SGTA: variants seen among roughly 807,000 people sequenced by gnomAD.
SGTA encodes small glutamine-rich tetratricopeptide repeat-containing protein alpha.
A neutral mutation model predicts 44.3 loss-of-function variants in SGTA; 22 were observed. The ratio of observed to expected loss-of-function variants is 0.50; its 90% CI spans 0.36 to 0.71. The LOEUF (loss-of-function observed/expected upper bound fraction) is 0.71. SGTA is among the 30% of genes least tolerant of loss of function. The pLI, the probability that SGTA is intolerant of heterozygous loss-of-function variation, is 0.00. For missense variants in SGTA, 341 were observed against 435.9 expected (o/e 0.78, Z 1.94); for synonymous variants, 174 against 177.6 (o/e 0.98, Z 0.16).
rs1915189810 is a variant in SGTA, at chr19:2,767,772, T to C, written c.101-86A>G. 4 of 998,756 alleles carry C rather than the reference T, an allele frequency of 4.0e-6. No individual in the cohort carries two copies. The East Asian group carries it at 7.5e-5, about 19-fold the overall frequency. 61.9% of individuals were successfully genotyped at this position (998,756 alleles called of 1,614,324 possible). A position where few individuals can be genotyped will look rare whatever the true frequency, so the allele number is the denominator to read the frequency against. On this transcript the variant is annotated intron_variant, in intron 2 of 11. Coordinates refer to ENST00000221566, the MANE Select transcript of SGTA (RefSeq NM_003021.4). The surrounding 1 kb of genome is among the most constrained non-coding windows in gnomAD (Gnocchi z 7.3). The stretch of plus-strand genomic sequence containing the variant: ...GTCTAGAGGGCGGGGTTGGTGCTCA[T>C]GCTTCCCCAGGTGTGTTCATTCCCA...
intron 11 of SGTA, 75 bp downstream of exon 11, chr19:2,757,262 C>A: frequency 6.5e-7 from 1 of 1,533,550 alleles, no homozygotes; most frequent in South Asian, 1.2e-5. Flanking sequence ...CTCCTGCTGG[C>A]TGCCCTCACT....
intron 11 of SGTA, among the ~76,000 whole-genome samples, chr19:2,756,470 G>C (rs928174403): frequency 6.7e-6 from 1 of 149,942 alleles, no homozygotes; most frequent in East Asian, 1.9e-4. Flanking sequence ...AAAAAAAAAA[G>C]ATTAAGATTG....
chr19:2,766,299 T>G (rs1182346341), intron 4 of SGTA, among the ~76,000 whole-genome samples: 1 of 152,188 alleles, frequency 6.6e-6, no homozygotes, highest in Non-Finnish European at 1.5e-5. Context: ...GTCTTCACGG[T>G]GCATCTGCGC....
At position 2,765,482 on chromosome 19, in the gene SGTA, A is replaced by T. The variant is rs1398576369; in HGVS notation, c.293-197T>A. Among the ~76,000 whole-genome samples, 1 of 152,054 alleles carries T rather than the reference A, an allele frequency of 6.6e-6. No individual in the cohort carries two copies. The highest frequency in any genetic ancestry group is 1.9e-4 in the East Asian group (1 of 5,170). ...TATAGGGGGTTCGCTAGTCGCAAAC[A>T]ATCATATCTACATCCACTAAGGGGG... On this transcript the variant is annotated intron_variant, in intron 4 of 11. Coordinates refer to ENST00000221566, the MANE Select transcript of SGTA (RefSeq NM_003021.4). The surrounding 1 kb of genome is among the most constrained non-coding windows in gnomAD (Gnocchi z 5.5).
At chr19:2,768,929 G>A (rs765243131) in intron 2 of SGTA, 40 bp downstream of exon 2, 12 of 1,475,176 alleles carry the variant, frequency 8.1e-6, no homozygotes, top group South Asian at 3.4e-5. Flanking sequence ...TGTGCTGGCC[G>A]CTGCCCGGGG....
rs767849049 is a variant in SGTA, at chr19:2,767,448, G to A, written c.207+132C>T. The A allele has an allele frequency of 7.3e-6, 6 of 824,400 alleles. No homozygotes were observed. The highest frequency in any genetic ancestry group is 2.7e-5 in the East Asian group (1 of 37,504). The allele number at this position is 824,400 out of a possible 1,614,324, so 51.1% of individuals were successfully genotyped here. A position where few individuals can be genotyped will look rare whatever the true frequency, so the allele number is the denominator to read the frequency against. Reference sequence around the variant, plus strand: ...GAGGGCCAAGTGCTCCTGCAGCCACGTCCCCAGCCCAGGAGAGGATGCAGG... The same window carrying A: ...GAGGGCCAAGTGCTCCTGCAGCCACATCCCCAGCCCAGGAGAGGATGCAGG... On this transcript the variant is annotated intron_variant, in intron 3 of 11. Coordinates refer to ENST00000221566, the MANE Select transcript of SGTA (RefSeq NM_003021.4). This position sits in a 1 kb window ranked among gnomAD's most constrained non-coding sequence, Gnocchi z 7.3.
chr19:2,755,619 T>C lies in SGTA; in HGVS notation c.*321A>G. 1 of 985,562 alleles carries C rather than the reference T, an allele frequency of 1.0e-6. No homozygotes were observed. The highest frequency in any genetic ancestry group is 4.7e-5 in the South Asian group (1 of 21,290). 61.1% of individuals were successfully genotyped at this position (985,562 alleles called of 1,614,324 possible). A position where few individuals can be genotyped will look rare whatever the true frequency, so the allele number is the denominator to read the frequency against. On this transcript the variant is annotated 3_prime_UTR_variant, in exon 12 of 12. Coordinates refer to ENST00000221566, the MANE Select transcript of SGTA (RefSeq NM_003021.4). This position sits in a 1 kb window ranked among gnomAD's most constrained non-coding sequence, Gnocchi z 5.2. ...CTGAACGTGAAACCTGCCACTTCTC[T>C]GAGAGCGGCCCGGGAGCACCCCAGG...
Position 2,765,956 on chromosome 19 carries a change from T to C in SGTA, c.293-671A>G, listed in dbSNP as rs1915129083. ...ATATAAGCCCGGGCGCGGTGGCTCA[T>C]GCTTATAATCCCAGCACTTTGGGAG... On this transcript the variant is annotated intron_variant, in intron 4 of 11. Transcript: ENST00000221566. This position sits in a 1 kb window ranked among gnomAD's most constrained non-coding sequence, Gnocchi z 5.5. 6.6e-6 allele frequency among the ~76,000 whole-genome samples: 1 copy of C among 152,174 alleles called. No homozygotes were observed. The highest frequency in any genetic ancestry group is 2.1e-4 in the South Asian group (1 of 4,830).
chr19:2,765,404 C>T lies in SGTA; in HGVS notation c.293-119G>A, dbSNP rs918486245. ...ACCCGAGGGGGCGTCACACTTGGCT[C>T]TTCTGGGCAGCCAGGACTCAACACA... On this transcript the variant is annotated intron_variant, in intron 4 of 11. Transcript: ENST00000221566. The surrounding 1 kb of genome is among the most constrained non-coding windows in gnomAD (Gnocchi z 5.5). The T allele has an allele frequency of 1.4e-6, 1 of 717,420 alleles. No individual in the cohort carries two copies. The highest frequency in any genetic ancestry group is 1.6e-5 in the South Asian group (1 of 61,606). The allele number at this position is 717,420 out of a possible 1,614,324, so 44.4% of individuals were successfully genotyped here.
chr19:2,762,637 G>A lies in SGTA; in HGVS notation c.505C>T (p.Leu169Phe), dbSNP rs1915030481. The change falls in exon 7 of 12, where the codon CTC (leucine) becomes TTC (phenylalanine). Residue 169 changes from leucine (L) to phenylalanine (F), a missense_variant. Physicochemically the swap from Leu to Phe is conservative, Grantham distance 22. Transcript: ENST00000221566. ...TCCACGTGCTTGTTGAGGCTGGAGA[G>A]CGCCAGGCTGGAGGAGAGCACCGGG... Reference protein sequence around the residue: ...SKAYGRMGLALSSLNKHVEAV... With the variant: ...SKAYGRMGLAFSSLNKHVEAV... 1 of 1,613,812 alleles carries A rather than the reference G, an allele frequency of 6.2e-7. No individual in the cohort carries two copies. Among genetic ancestry groups the A allele is most frequent in the African/African-American group, 1.3e-5 (1 of 74,928 alleles).
At chr19:2,776,353 G>A (rs576038048) in intron 1 of SGTA, among the ~76,000 whole-genome samples, 29 of 152,334 alleles carry the variant, frequency 1.9e-4, no homozygotes, top group South Asian at 6.2e-4. Context: ...GCCACACGAC[G>A]GAACGCTACG....
rs1425071705 is a variant in SGTA, at chr19:2,755,620, G to T, written c.*320C>A. ...TGAACGTGAAACCTGCCACTTCTCT[G>T]AGAGCGGCCCGGGAGCACCCCAGGA... On this transcript the variant is annotated 3_prime_UTR_variant, in exon 12 of 12. Transcript: ENST00000221566. The surrounding 1 kb of genome is among the most constrained non-coding windows in gnomAD (Gnocchi z 5.2). 2.4e-4 allele frequency: 238 copies of T among 985,440 alleles called. No individual in the cohort carries two copies. The highest frequency in any genetic ancestry group is 2.8e-4 in the Non-Finnish European group (230 of 830,014). The allele number at this position is 985,440 out of a possible 1,614,324, so 61.0% of individuals were successfully genotyped here.
chr19:2,757,571 C>A lies in SGTA; in HGVS notation c.828-114G>T, dbSNP rs146549308. ...CCCCAAAGACAGGCCTGACCCCTCG[C>A]TGGAGGACGCTGGGCCCTTCGGAGC... is the stretch of plus-strand genomic sequence containing the variant. On this transcript the variant is annotated intron_variant, in intron 10 of 11. Coordinates refer to ENST00000221566, the MANE Select transcript of SGTA (RefSeq NM_003021.4). 5.7e-4 allele frequency: 846 copies of A among 1,477,152 alleles called. 3 individuals are homozygous for A. The African/African-American group carries it at 0.011, about 19-fold the overall frequency. The allele number at this position is 1,477,152 out of a possible 1,614,324, so 91.5% of individuals were successfully genotyped here. A position where few individuals can be genotyped will look rare whatever the true frequency, so the allele number is the denominator to read the frequency against.
intron 11 of SGTA, among the ~76,000 whole-genome samples, chr19:2,756,819 C>T (rs1914831315): frequency 6.6e-6 from 1 of 152,170 alleles, no homozygotes; most frequent in Admixed American, 6.5e-5. Context: ...TATTTTTAAA[C>T]AACTGTAAGT....
chr19:2,776,359 C>T (rs1915445404), intron 1 of SGTA, among the ~76,000 whole-genome samples: 6 of 152,256 alleles, frequency 3.9e-5, no homozygotes, highest in Admixed American at 3.3e-4. Context: ...CGACGGAACG[C>T]TACGCAGCCA....
intron 1 of SGTA, among the ~76,000 whole-genome samples, chr19:2,775,284 T>G (rs1007901466): frequency 1.3e-5 from 2 of 152,204 alleles, no homozygotes; most frequent in African/African-American, 4.8e-5. Context: ...TTGGTTCCCC[T>G]AAAATGCCTC....
At chr19:2,768,243 T>C (rs1346633252) in intron 2 of SGTA, among the ~76,000 whole-genome samples, 1 of 151,794 alleles carries the variant, frequency 6.6e-6, no homozygotes, top group Non-Finnish European at 1.5e-5. Context: ...CAGACAACAC[T>C]AGCCCTGGCC....
Position 2,761,982 on chromosome 19 carries a change from G to A in SGTA, c.637-460C>T, listed in dbSNP as rs1431460112. ...GACACCTTGGGGCCTTGCTGGCCTG[G>A]CAGAGCCGCCCCCTCCTGGAGTAGC... On this transcript the variant is annotated intron_variant, in intron 7 of 11. Coordinates refer to ENST00000221566, the MANE Select transcript of SGTA (RefSeq NM_003021.4). This position sits in a 1 kb window ranked among gnomAD's most constrained non-coding sequence, Gnocchi z 5.7. Among the ~76,000 whole-genome samples the A allele has an allele frequency of 6.6e-6, 1 of 152,156 alleles. No homozygotes were observed. Among genetic ancestry groups the A allele is most frequent in the African/African-American group, 2.4e-5 (1 of 41,432 alleles).
At chr19:2,768,254 G>A (rs1308247675) in intron 2 of SGTA, among the ~76,000 whole-genome samples, 2 of 152,102 alleles carry the variant, frequency 1.3e-5, no homozygotes, top group Non-Finnish European at 2.9e-5. Flanking sequence ...AGCCCTGGCC[G>A]CCTCCTCGTG....
Sources: allele counts gnomAD v4.1 joint callset (sites outside exome capture counted in the v4.1 genomes callset), GRCh38; gene constraint gnomAD v4.1.1; non-coding constraint Gnocchi (gnomAD v3.1); transcripts MANE v1.5; gene names NCBI Gene and HGNC (gene_info 2026-07-23, HGNC 2026-07-21).